ECT2: variants seen among roughly 807,000 people sequenced by gnomAD.
ECT2 encodes protein ECT2.
ECT2 carries 61 observed loss-of-function variants against 116.9 expected under a neutral mutation model. The ratio of observed to expected loss-of-function variants is 0.52; its 90% CI spans 0.42 to 0.65. The LOEUF (loss-of-function observed/expected upper bound fraction) is 0.65, where lower values mean the gene tolerates loss of function less well. ECT2 is among the 30% of genes least tolerant of loss of function. The pLI, the probability that ECT2 is intolerant of heterozygous loss-of-function variation, is 0.00. For missense variants in ECT2, 937 were observed against 1,078.7 expected (o/e 0.87, Z 1.84); for synonymous variants, 358 against 346.4 (o/e 1.03, Z -0.37).
At chr3:172,823,079 AAAAT>A (rs372509352), downstream of ECT2, among the ~76,000 whole-genome samples, 30 of 152,256 alleles carry the variant, frequency 2.0e-4, no homozygotes, top group East Asian at 4.4e-3. Flanking sequence ...GTATAGGAGA[AAAAT>A]AAATGGAGAG....
chr3:172,803,800 C>T, intron 20 of ECT2, among the ~76,000 whole-genome samples: 1 of 149,592 alleles, frequency 6.7e-6, no homozygotes. Flanking sequence ...GTTTCTGTTT[C>T]TTTTCGTTTT....
intron 18 of ECT2, among the ~76,000 whole-genome samples, chr3:172,790,338 G>A (rs1230355284): frequency 6.6e-6 from 1 of 152,146 alleles, no homozygotes; most frequent in Non-Finnish European, 1.5e-5. Context: ...CCACAACACA[G>A]CTCAGGCCAT....
intron 13 of ECT2, among the ~76,000 whole-genome samples, chr3:172,770,103 C>T (rs1220590859): frequency 2.6e-5 from 4 of 152,098 alleles, no homozygotes; most frequent in Non-Finnish European, 5.9e-5. Context: ...TGTTTAGGAG[C>T]AGTCAGGGTT....
chr3:172,779,533 A>T (rs1722321302), intron 14 of ECT2, among the ~76,000 whole-genome samples: 1 of 152,168 alleles, frequency 6.6e-6, no homozygotes, highest in Non-Finnish European at 1.5e-5. Flanking sequence ...AAAATTTTAA[A>T]ATATTATTTA....
intron 6 of ECT2, 78 bp from the exon 7 acceptor site, chr3:172,760,078 C>A: frequency 1.2e-6 from 1 of 817,136 alleles, no homozygotes; most frequent in Non-Finnish European, 1.9e-6. Flanking sequence ...TTAGCAAATG[C>A]TAAATGTGGG....
chr3:172,775,638 C>CTT (rs536857351), intron 14 of ECT2, among the ~76,000 whole-genome samples: 8 of 142,814 alleles, frequency 5.6e-5, no homozygotes, highest in African/African-American at 1.8e-4. Context: ...GGGTTTTTTT[C>CTT]TTTTTTTTTT....
rs531933875 is a variant in ECT2, at chr3:172,795,972, G to A, written c.1908-6644G>A. On this transcript the variant is annotated intron_variant, in intron 18 of 24. Transcript: ENST00000392692. ...AAACAATGATTTTGTCAAATTCACA[G>A]GTTATTTAAAGTTTGTTTCAAAATA... Among the ~76,000 whole-genome samples, 6 of 152,048 alleles carry A rather than the reference G, an allele frequency of 3.9e-5. No homozygotes were observed. In the South Asian group the frequency reaches 1.2e-3, roughly 32 times the overall value.
In ECT2 at chr3:172,815,702, T is replaced by G; in HGVS notation, c.2499T>G (p.Thr833=). 1.3e-6 allele frequency: 2 copies of G among 1,590,522 alleles called. No homozygotes were observed. The highest frequency in any genetic ancestry group is 1.7e-6 in the Non-Finnish European group (2 of 1,167,404). Residue 833 remains threonine, a synonymous_variant, in exon 23 of 25, where the codon ACT becomes ACG. Transcript: ENST00000392692. ...LSRASRAIKK[T]SKKVTRAFSF... ...GAGCATCAAGAGCAATAAAAAAGAC[T>G]TCAAAAAAGGTGAGTTTTAGTGAAA...
intron 12 of ECT2, among the ~76,000 whole-genome samples, chr3:172,765,518 C>G (rs576400848): frequency 1.1e-4 from 16 of 152,058 alleles, no homozygotes; most frequent in Non-Finnish European, 1.3e-4. Context: ...CAAATTAGAC[C>G]TTTGGATTCT....
rs1724510723 is a variant in ECT2 at position 172,790,735 on chromosome 3, G to A, written c.1907+4161G>A. On this transcript the variant is annotated intron_variant, in intron 18 of 24. Coordinates refer to ENST00000392692, the MANE Select transcript of ECT2 (RefSeq NM_001258315.2). ...AATTGGATGTTGAGCTAGCAGGCAT[G>A]AAAGCAAAATTAGTCTCCTTGTACA... is the stretch of plus-strand genomic sequence containing the variant. 1.3e-5 allele frequency among the ~76,000 whole-genome samples: 2 copies of A among 152,238 alleles called. 1 individual carries two copies. The highest frequency in any genetic ancestry group is 4.1e-4 in the South Asian group (2 of 4,832).
chr3:172,783,561 T>G (rs936935114), intron 15 of ECT2, among the ~76,000 whole-genome samples: 4 of 151,252 alleles, frequency 2.6e-5, no homozygotes, highest in Non-Finnish European at 4.4e-5. Context: ...ATATCTTTTG[T>G]TTTTTTTCTG....
At chr3:172,812,447 T>G (rs1021361475) in intron 22 of ECT2, among the ~76,000 whole-genome samples, 3 of 152,198 alleles carry the variant, frequency 2.0e-5, no homozygotes, top group African/African-American at 7.2e-5. Flanking sequence ...ATTATCACTG[T>G]TTTTAATTAT....
At chr3:172,817,502 A>G (rs1379481550) in intron 24 of ECT2, among the ~76,000 whole-genome samples, 1 of 152,112 alleles carries the variant, frequency 6.6e-6, no homozygotes, top group Non-Finnish European at 1.5e-5. Context: ...ATGACATAGC[A>G]GAGACCGAGT....
chr3:172,807,767 T>A lies in ECT2; in HGVS notation c.2246-3T>A. The A allele has an allele frequency of 6.2e-7, 1 of 1,610,470 alleles. No individual in the cohort carries two copies. The highest frequency in any genetic ancestry group is 8.5e-7 in the Non-Finnish European group (1 of 1,178,058). ...AATGTTTATGGTTATTCTGGAACCC[T>A]AGATTGCCATAATGCTTTTGCCTTG... On this transcript the variant is annotated splice_region_variant and splice_polypyrimidine_tract_variant and intron_variant, in intron 21 of 24. Coordinates refer to ENST00000392692, the MANE Select transcript of ECT2 (RefSeq NM_001258315.2).
At chr3:172,803,822 T>TC (rs397991671) in intron 20 of ECT2, among the ~76,000 whole-genome samples, 9 of 151,964 alleles carry the variant, frequency 5.9e-5, no homozygotes, top group African/African-American at 9.7e-5. Context: ...CTTTTTTTTT[T>TC]CGACAGGGTC....
At chr3:172,769,192 G>A in intron 13 of ECT2, 49 bp downstream of exon 13, 1 of 1,517,634 alleles carries the variant, frequency 6.6e-7, no homozygotes, top group Admixed American at 1.9e-5. Flanking sequence ...GTGTTCCTAA[G>A]TAAAAAAATC....
At chr3:172,751,122 T>A (rs1228431080) in intron 1 of ECT2, 1 of 151,976 alleles carries the variant, frequency 6.6e-6, no homozygotes, top group Non-Finnish European at 1.5e-5. Flanking sequence ...AGAGTGTGGG[T>A]GAAGGGAGGG....
At chr3:172,815,801 G>C in intron 23 of ECT2, 90 bp downstream of exon 23, 1 of 840,400 alleles carries the variant, frequency 1.2e-6, no homozygotes. Context: ...CCAGTATAAA[G>C]ATAGTTTATA....
At chr3:172,775,254 C>T (rs574229703) in intron 14 of ECT2, among the ~76,000 whole-genome samples, 8 of 152,264 alleles carry the variant, frequency 5.3e-5, no homozygotes, top group Non-Finnish European at 1.0e-4. Flanking sequence ...ATATTTATGT[C>T]ACATTCCAGT....
Sources: gnomAD v4.1 joint callset for allele counts (sites outside exome capture counted in the v4.1 genomes callset) on GRCh38, gnomAD v4.1.1 for gene constraint, MANE v1.5 for transcripts, NCBI Gene and HGNC (gene_info 2026-07-23, HGNC 2026-07-21) for gene names.